TMEM164: variants seen among roughly 807,000 people sequenced by gnomAD.
The protein encoded by TMEM164 is transmembrane protein 164.
A neutral mutation model predicts 18.8 loss-of-function variants in TMEM164; 4 were observed. The ratio of observed to expected loss-of-function variants is 0.21; its 90% CI spans 0.10 to 0.49. TMEM164 has a LOEUF of 0.49. Among genes scored for constraint, TMEM164 ranks in the 20% least tolerant of loss-of-function variants. The pLI is 0.98. For missense variants in TMEM164, 108 were observed against 239.9 expected, an observed-to-expected ratio of 0.45 and a Z score of 3.63; for synonymous variants, 86 against 101.7, an observed-to-expected ratio of 0.85 and a Z score of 0.93.
chrX:110,040,946 G>A (rs1272387307), intron 2 of TMEM164, among the ~76,000 whole-genome samples: 1 of 111,725 alleles, frequency 9.0e-6, no homozygotes, highest in East Asian at 2.8e-4. Context: ...AATTAAGTGG[G>A]AAATGTTTCT....
At chrX:110,122,139 G>A (rs575524676) in intron 4 of TMEM164, among the ~76,000 whole-genome samples, 30 of 109,440 alleles carry the variant, frequency 2.7e-4, no homozygotes, top group Middle Eastern at 4.7e-3. Context: ...TGTTTATTGC[G>A]GCACTATTCA....
chrX:110,024,756 A>T (rs549503845), intron 2 of TMEM164, among the ~76,000 whole-genome samples: 1 of 111,992 alleles, frequency 8.9e-6, no homozygotes, highest in Admixed American at 9.5e-5. Flanking sequence ...TTGGGAGATG[A>T]TGGTTTCTAG....
chrX:110,171,454 G>A lies in TMEM164; in HGVS notation c.621G>A (p.Arg207=), dbSNP rs747327090. 3.1e-5 allele frequency: 37 copies of A among 1,208,391 alleles called. No individual in the cohort carries two copies. In the East Asian group the frequency reaches 1.0e-3, roughly 33 times the overall value. Residue 207 remains arginine (R), a synonymous_variant, in exon 6 of 7, where the codon CGG becomes CGA. Coordinates refer to ENST00000372068, the MANE Select transcript of TMEM164 (RefSeq NM_032227.4). Reference sequence around the variant, plus strand: ...CTCCAGAGCCCCTCAGCAGTTTCCGGTGGGCTCTTCTCTCAACTGGCCTCA... The same window carrying A: ...CTCCAGAGCCCCTCAGCAGTTTCCGATGGGCTCTTCTCTCAACTGGCCTCA... The part of the protein sequence containing the change: ...AYTPEPLSSF[R]WALLSTGLMF...
At chrX:110,026,532 C>T (rs1243762289) in intron 2 of TMEM164, among the ~76,000 whole-genome samples, 2 of 111,083 alleles carry the variant, frequency 1.8e-5, no homozygotes, top group African/African-American at 3.3e-5. Flanking sequence ...ACCTCAGAGC[C>T]GTGGGTAATA....
chrX:110,138,950 G>A (rs946688195), intron 4 of TMEM164, among the ~76,000 whole-genome samples: 3 of 111,831 alleles, frequency 2.7e-5, no homozygotes, highest in Non-Finnish European at 5.6e-5. Flanking sequence ...GAGTGAAATG[G>A]TAGGAATGAA....
chrX:110,004,474 T>G (rs529491378), intron 2 of TMEM164, among the ~76,000 whole-genome samples: 178 of 111,080 alleles, frequency 1.6e-3, no homozygotes, highest in South Asian at 0.01. Context: ...CAAGCAGGAA[T>G]TCCAGCCCCA....
chrX:110,009,679 T>C (rs1942519165), intron 2 of TMEM164, among the ~76,000 whole-genome samples: 1 of 111,675 alleles, frequency 9.0e-6, no homozygotes, highest in Admixed American at 9.5e-5. Flanking sequence ...CTTTCTCCAC[T>C]GGTGGCCCTA....
intron 2 of TMEM164, among the ~76,000 whole-genome samples, chrX:110,025,118 C>T (rs749546084): frequency 9.0e-6 from 1 of 110,662 alleles, no homozygotes; most frequent in East Asian, 2.8e-4. Flanking sequence ...CAAAGCCAGG[C>T]TCTTTCCTCC....
Position 110,003,963 on chromosome X carries a change from G to T in TMEM164, c.189G>T (p.Gln63His). 8.3e-7 allele frequency: 1 copy of T among 1,211,575 alleles called. No individual in the cohort carries two copies. Among genetic ancestry groups the T allele is most frequent in the Non-Finnish European group, 1.1e-6 (1 of 895,432 alleles). Residue 63 changes from glutamine to histidine, a missense_variant, in exon 2 of 7, where the codon CAG becomes CAT. By Grantham distance (24) the Gln-to-His change is conservative. Coordinates refer to ENST00000372068, the MANE Select transcript of TMEM164 (RefSeq NM_032227.4). ...TGGCCCTGCGGCACATCCTGAGGCAGACGAAGGAGGACGGTAGGGGTAGCC... is the reference window on the plus strand; with the variant it reads ...TGGCCCTGCGGCACATCCTGAGGCATACGAAGGAGGACGGTAGGGGTAGCC... Reference protein sequence around the residue: ...ILVALRHILRQTKEDGRGSPG... With the variant: ...ILVALRHILRHTKEDGRGSPG...
At chrX:110,122,776 T>C (rs767078249) in intron 4 of TMEM164, among the ~76,000 whole-genome samples, 1 of 111,946 alleles carries the variant, frequency 8.9e-6, no homozygotes, top group South Asian at 3.7e-4. Flanking sequence ...AATTGGGTTG[T>C]TTTCATTGTT....
At position 110,084,376 on chromosome X, in the gene TMEM164, T is replaced by TA. The variant is rs1463629016; in HGVS notation, c.440+16981dup. Among the ~76,000 whole-genome samples, 93 of 59,359 alleles carry TA rather than the reference T, an allele frequency of 1.6e-3. 3 individuals are homozygous for TA. The highest frequency in any genetic ancestry group is 5.5e-3 in the South Asian group (8 of 1,460). 51.5% of individuals were successfully genotyped at this position (59,359 alleles called of 115,157 possible). A position where few individuals can be genotyped will look rare whatever the true frequency, so the allele number is the denominator to read the frequency against. ...ATATATATATAGTATAGTATATATA[T>TA]AGTGTATATATATATAGTATAGTAT... is the stretch of plus-strand genomic sequence containing the variant. On this transcript the variant is annotated intron_variant, in intron 3 of 6. Transcript: ENST00000372068.
At chrX:110,149,333 C>G (rs143401896) in intron 5 of TMEM164, among the ~76,000 whole-genome samples, 1 of 111,856 alleles carries the variant, frequency 8.9e-6, no homozygotes, top group Admixed American at 9.4e-5. Flanking sequence ...ACTCTGATAT[C>G]TAACCCTCTA....
At chrX:110,085,657 C>T (rs369489511) in intron 3 of TMEM164, among the ~76,000 whole-genome samples, 10 of 111,131 alleles carry the variant, frequency 9.0e-5, no homozygotes, top group African/African-American at 3.3e-4. Flanking sequence ...CTGTCAGCTA[C>T]TCATCTAGTG....
At chrX:110,168,888 A>T (rs771655058) in intron 5 of TMEM164, among the ~76,000 whole-genome samples, 1 of 112,909 alleles carries the variant, frequency 8.9e-6, no homozygotes, top group South Asian at 3.6e-4. Flanking sequence ...CAATGAAAAT[A>T]ATCAGCATTT....
intron 3 of TMEM164, among the ~76,000 whole-genome samples, chrX:110,081,937 C>T (rs2147890369): frequency 8.9e-6 from 1 of 112,549 alleles, no homozygotes; most frequent in East Asian, 2.8e-4. Flanking sequence ...AGGCTGGCAA[C>T]TCCCACTGGG....
chrX:110,082,750 C>T (rs765821083), intron 3 of TMEM164, among the ~76,000 whole-genome samples: 164 of 111,167 alleles, frequency 1.5e-3, no homozygotes, highest in African/African-American at 5.0e-3. Context: ...TCTCACATCT[C>T]ACTGGTGGCT....
chrX:110,091,556 T>C (rs1381234887), intron 3 of TMEM164, among the ~76,000 whole-genome samples: 7 of 112,350 alleles, frequency 6.2e-5, no homozygotes, highest in Non-Finnish European at 1.3e-4. Flanking sequence ...GATGGGGCTG[T>C]TTGATTTTTT....
At chrX:110,015,402 A>G (rs899366308) in intron 2 of TMEM164, among the ~76,000 whole-genome samples, 2 of 112,304 alleles carry the variant, frequency 1.8e-5, no homozygotes, top group African/African-American at 6.5e-5. Flanking sequence ...CAACCCAAAT[A>G]AACAGCAGCG....
chrX:110,014,596 T>G (rs1420904975), intron 2 of TMEM164, among the ~76,000 whole-genome samples: 1 of 110,480 alleles, frequency 9.1e-6, no homozygotes, highest in Non-Finnish European at 1.9e-5. Flanking sequence ...TTATTGCTCT[T>G]TATCAATGGG....
Sources: allele counts gnomAD v4.1 joint callset (sites outside exome capture counted in the v4.1 genomes callset), GRCh38; gene constraint gnomAD v4.1.1; transcripts MANE v1.5; gene names NCBI Gene and HGNC (gene_info 2026-07-23, HGNC 2026-07-21).